NACC2: variants seen among roughly 807,000 people sequenced by gnomAD.
NACC2 encodes nucleus accumbens-associated protein 2.
A neutral mutation model predicts 25.1 loss-of-function variants in NACC2; 8 were observed. The ratio of observed to expected loss-of-function variants is 0.32; its 90% CI spans 0.19 to 0.57. NACC2 has a LOEUF of 0.57. NACC2 is among the 20% of genes least tolerant of loss of function. The pLI is 0.89. For missense variants in NACC2, 644 were observed against 650.2 expected (o/e 0.99, Z 0.10); for synonymous variants, 435 against 294.7 (o/e 1.48, Z -4.88).
At chr9:136,090,093 T>C (rs1830419809) in intron 1 of NACC2, among the ~76,000 whole-genome samples, 1 of 152,178 alleles carries the variant, frequency 6.6e-6, no homozygotes, top group Admixed American at 6.5e-5. Context: ...AAAACTCTGT[T>C]AAAGCTGATT....
At chr9:136,026,350 A>G (rs1840389572) in intron 2 of NACC2, among the ~76,000 whole-genome samples, 1 of 149,656 alleles carries the variant, frequency 6.7e-6, no homozygotes, top group Non-Finnish European at 1.5e-5. Flanking sequence ...TCTCAAAAAA[A>G]AAAAAAAAAA....
intron 2 of NACC2, among the ~76,000 whole-genome samples, chr9:136,026,194 A>G (rs1840385192): frequency 6.6e-6 from 1 of 151,796 alleles, no homozygotes. Context: ...ACAAAAAATT[A>G]GCCAGGTGTG....
chr9:136,058,073 C>T (rs900749293), intron 1 of NACC2, among the ~76,000 whole-genome samples: 2 of 152,162 alleles, frequency 1.3e-5, no homozygotes, highest in Non-Finnish European at 2.9e-5. Flanking sequence ...TAAATCAGAG[C>T]GACACAGAAA....
chr9:136,015,689 A>G (rs2131133977), intron 3 of NACC2, among the ~76,000 whole-genome samples: 1 of 152,364 alleles, frequency 6.6e-6, no homozygotes, highest in Middle Eastern at 3.4e-3. Flanking sequence ...AAATCCCCAG[A>G]AAATGGCCCA....
chr9:136,052,737 G>A (rs1840865040), intron 1 of NACC2, among the ~76,000 whole-genome samples: 1 of 152,340 alleles, frequency 6.6e-6, no homozygotes, highest in African/African-American at 2.4e-5. Context: ...CCCAGCAGAG[G>A]GCAAAGCGGC....
intron 1 of NACC2, among the ~76,000 whole-genome samples, chr9:136,072,690 A>G (rs1363629003): frequency 6.6e-6 from 1 of 152,178 alleles, no homozygotes; most frequent in Non-Finnish European, 1.5e-5. Flanking sequence ...TGTTTCTACT[A>G]AAAATACAAA....
Position 136,013,822 on chromosome 9 carries a change from C to G in NACC2, c.1157+42G>C, listed in dbSNP as rs759190087. 1 of 1,547,460 alleles carries G rather than the reference C, an allele frequency of 6.5e-7. No individual in the cohort carries two copies. On this transcript the variant is annotated intron_variant, in intron 4 of 5. Transcript: ENST00000277554. This position sits in a 1 kb window ranked among gnomAD's most constrained non-coding sequence, Gnocchi z 6.6. Reference sequence around the variant, plus strand: ...CATAGCTAAAGGAGCCAGAACCCTCCGCAGCTCCATTGTGCCCTCCAGCAC... The same window carrying G: ...CATAGCTAAAGGAGCCAGAACCCTCGGCAGCTCCATTGTGCCCTCCAGCAC...
At position 136,050,525 on chromosome 9, in the gene NACC2, G is replaced by A. The variant is rs1045164599; in HGVS notation, c.-4C>T. ...CGATGTGCAGCATCTGAGACATGGC[G>A]GGCGGGCAGCGGCGGGGCTGGGCTC... On this transcript the variant is annotated 5_prime_UTR_variant, in exon 2 of 6. Coordinates refer to ENST00000277554, the MANE Select transcript of NACC2 (RefSeq NM_144653.5). The A allele has an allele frequency of 6.6e-6, 5 of 760,782 alleles. No individual in the cohort carries two copies. Among genetic ancestry groups the A allele is most frequent in the South Asian group, 5.4e-5 (4 of 74,092 alleles). 47.1% of individuals were successfully genotyped at this position (760,782 alleles called of 1,614,324 possible). A position where few individuals can be genotyped will look rare whatever the true frequency, so the allele number is the denominator to read the frequency against.
In NACC2 at chr9:136,039,801, C is replaced by T. The variant is rs1001869691; in HGVS notation, c.886+9835G>A. Reference sequence around the variant, plus strand: ...TGCAAAAACTACAAGTGACATCACACGTAACAAAGAAAGGCTGATATGTTC... The same window carrying T: ...TGCAAAAACTACAAGTGACATCACATGTAACAAAGAAAGGCTGATATGTTC... On this transcript the variant is annotated intron_variant, in intron 2 of 5. Transcript: ENST00000277554. Among the ~76,000 whole-genome samples, 347 of 152,172 alleles carry T rather than the reference C, an allele frequency of 2.3e-3. 2 individuals carry two copies. Among genetic ancestry groups the T allele is most frequent in the African/African-American group, 8.0e-3 (331 of 41,508 alleles).
intron 1 of NACC2, among the ~76,000 whole-genome samples, chr9:136,066,209 A>G (rs1564236856): frequency 7.5e-6 from 1 of 133,316 alleles, no homozygotes; most frequent in African/African-American, 2.5e-5. Context: ...AAAAAAAGAA[A>G]GAAAGAAAAA....
intron 1 of NACC2, among the ~76,000 whole-genome samples, chr9:136,078,352 G>C (rs76465012): frequency 0.032 from 4,873 of 152,252 alleles, 248 homozygotes; most frequent in African/African-American, 0.11. Context: ...GGCACATCTG[G>C]GGGCAGGTTC....
chr9:136,053,192 CCT>C (rs1840874102), intron 1 of NACC2, among the ~76,000 whole-genome samples: 1 of 152,234 alleles, frequency 6.6e-6, no homozygotes, highest in Admixed American at 6.5e-5. Context: ...TCCCGGCGCC[CCT>C]CTGAGGCATC....
Position 136,019,863 on chromosome 9 carries a change from G to A in NACC2, c.887-3434C>T, listed in dbSNP as rs1460494858. On this transcript the variant is annotated intron_variant, in intron 2 of 5. Coordinates refer to ENST00000277554, the MANE Select transcript of NACC2 (RefSeq NM_144653.5). The surrounding 1 kb of genome is among the most constrained non-coding windows in gnomAD (Gnocchi z 5.2). Reference sequence around the variant, plus strand: ...CACCAGGGGAGCTTGCGAGAGGGCGGCTGAGCCTGGAGGACACCACACTCA... The same window carrying A: ...CACCAGGGGAGCTTGCGAGAGGGCGACTGAGCCTGGAGGACACCACACTCA... Among the ~76,000 whole-genome samples the A allele has an allele frequency of 1.3e-5, 2 of 152,162 alleles. No homozygotes were observed. Among genetic ancestry groups the A allele is most frequent in the African/African-American group, 4.8e-5 (2 of 41,444 alleles).
chr9:136,017,238 G>A (rs1238812906), intron 2 of NACC2, among the ~76,000 whole-genome samples: 2 of 152,154 alleles, frequency 1.3e-5, no homozygotes, highest in African/African-American at 2.4e-5. Flanking sequence ...GCTGTGCAGC[G>A]CGACCCCGAT....
chr9:136,043,424 C>T (rs202211813), intron 2 of NACC2, among the ~76,000 whole-genome samples: 5 of 152,258 alleles, frequency 3.3e-5, no homozygotes, highest in Middle Eastern at 3.4e-3. Flanking sequence ...ATTCCACCCA[C>T]GAGGAAGGGC....
intron 2 of NACC2, among the ~76,000 whole-genome samples, chr9:136,039,322 C>T (rs1046971202): frequency 2.0e-5 from 3 of 152,158 alleles, no homozygotes; most frequent in Non-Finnish European, 1.5e-5. Context: ...AAGAATGCTG[C>T]TAATTACAGT....
intron 1 of NACC2, among the ~76,000 whole-genome samples, chr9:136,093,394 G>A (rs372286891): frequency 6.6e-6 from 1 of 152,176 alleles, no homozygotes; most frequent in African/African-American, 2.4e-5. Context: ...CCTTCCAGCA[G>A]CCGGTGGTAA....
intron 1 of NACC2, among the ~76,000 whole-genome samples, chr9:136,080,855 GCCAGCT>G (rs1457675743): frequency 3.9e-5 from 6 of 152,170 alleles, no homozygotes; most frequent in African/African-American, 1.4e-4. Flanking sequence ...GCAAACTCCA[GCCAGCT>G]GCATCAGGCC....
chr9:136,038,380 A>T (rs1270301112), intron 2 of NACC2, among the ~76,000 whole-genome samples: 3 of 152,128 alleles, frequency 2.0e-5, no homozygotes, highest in Non-Finnish European at 4.4e-5. Flanking sequence ...TACAAAAAAA[A>T]TCCACAAAAA....
Sources: gnomAD v4.1 joint callset for allele counts (sites outside exome capture counted in the v4.1 genomes callset) on GRCh38, gnomAD v4.1.1 for gene constraint, Gnocchi (gnomAD v3.1) non-coding constraint, MANE v1.5 for transcripts, NCBI Gene and HGNC (gene_info 2026-07-23, HGNC 2026-07-21) for gene names.